Variants in NKAIN2 observed in about 807,000 individuals in gnomAD.
The protein encoded by NKAIN2 is sodium/potassium transporting ATPase interacting 2.
A neutral mutation model predicts 32.6 loss-of-function variants in NKAIN2; 14 were observed. The ratio of observed to expected loss-of-function variants is 0.43; its 90% CI spans 0.28 to 0.67. NKAIN2 has a LOEUF of 0.67. NKAIN2 is among the 30% of genes least tolerant of loss of function. The pLI, the probability that NKAIN2 is intolerant of heterozygous loss-of-function variation, is 0.17. For missense variants in NKAIN2, 198 were observed against 258.3 expected (o/e 0.77, Z 1.60); for synonymous variants, 80 against 87.2 (o/e 0.92, Z 0.46).
At chr6:124,425,989 G>A (rs1366918851) in intron 3 of NKAIN2, among the ~76,000 whole-genome samples, 1 of 151,974 alleles carries the variant, frequency 6.6e-6, no homozygotes, top group East Asian at 1.9e-4. Flanking sequence ...ATCCTTAATA[G>A]CAAACTACTG....
chr6:124,077,962 T>C lies in NKAIN2; in HGVS notation c.55-205043T>C, dbSNP rs146544900. On this transcript the variant is annotated intron_variant, in intron 1 of 6. Coordinates refer to ENST00000368417, the MANE Select transcript of NKAIN2 (RefSeq NM_001040214.3). Reference sequence around the variant, plus strand: ...GAAAAACTAAAAGTTTAGGGAATTATTTAAAATACCTTAGCATTGAGGCTG... The same window carrying C: ...GAAAAACTAAAAGTTTAGGGAATTACTTAAAATACCTTAGCATTGAGGCTG... Among the ~76,000 whole-genome samples the C allele has an allele frequency of 6.6e-4, 100 of 152,312 alleles. 1 individual carries two copies. In the East Asian group the frequency reaches 6.9e-3, roughly 11 times the overall value.
intron 4 of NKAIN2, among the ~76,000 whole-genome samples, chr6:124,683,921 C>T (rs184744824): frequency 1.6e-3 from 250 of 152,292 alleles, no homozygotes; most frequent in Non-Finnish European, 3.0e-3. Context: ...ATAAGTCTCA[C>T]TGGATTTCTA....
At chr6:124,421,420 AT>A (rs1438070182) in intron 3 of NKAIN2, among the ~76,000 whole-genome samples, 1 of 152,172 alleles carries the variant, frequency 6.6e-6, no homozygotes, top group Admixed American at 6.5e-5. Flanking sequence ...ATATGAAAGC[AT>A]TTCTATTAGG....
intron 3 of NKAIN2, among the ~76,000 whole-genome samples, chr6:124,565,356 A>G (rs1196105465): frequency 2.6e-5 from 4 of 152,230 alleles, no homozygotes; most frequent in Admixed American, 6.5e-5. Context: ...ACTGGTTGGT[A>G]CATTTGCTCA....
chr6:124,138,391 G>A (rs575592247), intron 1 of NKAIN2, among the ~76,000 whole-genome samples: 52 of 152,160 alleles, frequency 3.4e-4, no homozygotes, highest in Middle Eastern at 6.8e-3. Flanking sequence ...CTGCTGGTGG[G>A]AATGTAAGCT....
At chr6:124,572,081 T>C (rs866486868) in intron 3 of NKAIN2, among the ~76,000 whole-genome samples, 3 of 152,210 alleles carry the variant, frequency 2.0e-5, no homozygotes, top group African/African-American at 4.8e-5. Context: ...CCCAGTGGCA[T>C]AGATTCTAAT....
Position 123,863,826 on chromosome 6 carries a change from A to G in NKAIN2, c.54+59572A>G, listed in dbSNP as rs565556598. On this transcript the variant is annotated intron_variant, in intron 1 of 6. Transcript: ENST00000368417. ...TCTCCTGTCCACTTTGACCCTTTCC[A>G]TCTCAGCAAGGCTAGTTTACCAAAG... 8.5e-5 allele frequency among the ~76,000 whole-genome samples: 13 copies of G among 152,178 alleles called. No individual in the cohort carries two copies. The East Asian group carries it at 1.7e-3, about 20-fold the overall frequency.
intron 3 of NKAIN2, among the ~76,000 whole-genome samples, chr6:124,441,561 TGGA>T (rs1415450481): frequency 6.6e-6 from 1 of 152,040 alleles, no homozygotes; most frequent in Non-Finnish European, 1.5e-5. Context: ...AAGGTCCACA[TGGA>T]GGAGTTTACC....
intron 3 of NKAIN2, among the ~76,000 whole-genome samples, chr6:124,629,205 T>C (rs951755104): frequency 6.6e-6 from 1 of 152,090 alleles, no homozygotes; most frequent in South Asian, 2.1e-4. Context: ...ATCTATTGAG[T>C]CTAAGAATTA....
chr6:124,420,178 C>G (rs1166550528), intron 3 of NKAIN2, among the ~76,000 whole-genome samples: 1 of 151,986 alleles, frequency 6.6e-6, no homozygotes, highest in Non-Finnish European at 1.5e-5. Flanking sequence ...TATGAAAAAT[C>G]AAATATTCTT....
intron 1 of NKAIN2, among the ~76,000 whole-genome samples, chr6:124,191,961 C>G (rs1790041442): frequency 6.6e-6 from 1 of 151,920 alleles, no homozygotes; most frequent in African/African-American, 2.4e-5. Context: ...TCCAAAATTT[C>G]TTCTGATACT....
chr6:124,818,451 A>G lies in NKAIN2; in HGVS notation c.600A>G (p.Gln200=), dbSNP rs771397532. The change falls in exon 6 of 7, where the codon CAA becomes CAG. Residue 200 remains glutamine, a synonymous_variant. Transcript: ENST00000368417. ...YQGPQKTSHL[Q]LQPMYMSK The stretch of plus-strand genomic sequence containing the variant: ...GGCCTCAGAAGACATCTCATTTACA[A>G]CTACAGCCTATGTACATGTAAGTAT... 4.4e-6 allele frequency: 7 copies of G among 1,579,298 alleles called. No homozygotes were observed. Among genetic ancestry groups the G allele is most frequent in the Non-Finnish European group, 4.4e-6 (5 of 1,149,118 alleles).
At chr6:124,060,582 C>T (rs149906298) in intron 1 of NKAIN2, among the ~76,000 whole-genome samples, 77 of 152,140 alleles carry the variant, frequency 5.1e-4, no homozygotes, top group Middle Eastern at 6.8e-3. Context: ...ACTGGAACAC[C>T]GTTCGCCAAA....
Position 124,254,204 on chromosome 6 carries a change from G to A in NKAIN2, c.55-28801G>A, listed in dbSNP as rs150263280. 7.0e-3 allele frequency among the ~76,000 whole-genome samples: 1,037 copies of A among 149,106 alleles called. 10 individuals are homozygous for A. The highest frequency in any genetic ancestry group is 8.6e-3 in the Non-Finnish European group (580 of 67,114). On this transcript the variant is annotated intron_variant, in intron 1 of 6. Coordinates refer to ENST00000368417, the MANE Select transcript of NKAIN2 (RefSeq NM_001040214.3). ...TGACCTCAGGTGATCCGCCTGCCTC[G>A]GCCTCCCAAAGTGCTGGGATTACAG...
intron 1 of NKAIN2, among the ~76,000 whole-genome samples, chr6:123,856,730 C>T (rs1775568688): frequency 6.6e-6 from 1 of 152,162 alleles, no homozygotes; most frequent in African/African-American, 2.4e-5. Context: ...AGATTTGGGG[C>T]TCCACCACAG....
intron 2 of NKAIN2, among the ~76,000 whole-genome samples, chr6:124,343,596 T>A (rs146331374): frequency 0.031 from 4,711 of 152,040 alleles, 120 homozygotes; most frequent in African/African-American, 0.059. Context: ...GATGAGCATG[T>A]TTTCATGTGT....
At chr6:124,380,953 G>C (rs932465188) in intron 3 of NKAIN2, among the ~76,000 whole-genome samples, 1 of 152,178 alleles carries the variant, frequency 6.6e-6, no homozygotes, top group Non-Finnish European at 1.5e-5. Flanking sequence ...TTGTATCGAA[G>C]TGTAACTTCA....
At chr6:123,890,835 A>G (rs1019674445) in intron 1 of NKAIN2, among the ~76,000 whole-genome samples, 1 of 152,112 alleles carries the variant, frequency 6.6e-6, no homozygotes, top group Non-Finnish European at 1.5e-5. Context: ...TTCTAGATAT[A>G]TACTTATAAG....
At chr6:123,948,480 C>T (rs902162745) in intron 1 of NKAIN2, among the ~76,000 whole-genome samples, 6 of 151,384 alleles carry the variant, frequency 4.0e-5, no homozygotes, top group African/African-American at 1.5e-4. Context: ...GATGATATCT[C>T]ATTGTGGTTT....
Sources: allele counts gnomAD v4.1 joint callset (sites outside exome capture counted in the v4.1 genomes callset), GRCh38; gene constraint gnomAD v4.1.1; transcripts MANE v1.5; gene names NCBI Gene and HGNC (gene_info 2026-07-23, HGNC 2026-07-21).